Variants in GRM5 observed in about 807,000 individuals in gnomAD.
The protein encoded by GRM5 is glutamate metabotropic receptor 5, also known as metabotropic glutamate receptor 5.
A neutral mutation model predicts 83.1 loss-of-function variants in GRM5; 19 were observed. That is an observed-to-expected ratio of 0.23 (90% CI 0.16 to 0.34). GRM5 has a LOEUF of 0.34. GRM5 is among the 10% of genes least tolerant of loss of function. The probability of loss-of-function intolerance (pLI) is 1.00; values close to 1 mark genes in which losing one functional copy is unlikely to be tolerated. For missense variants in GRM5, 1,160 were observed against 1,588.3 expected, an observed-to-expected ratio of 0.73 and a Z score of 4.58; for synonymous variants, 675 against 633.6, an observed-to-expected ratio of 1.07 and a Z score of -0.98.
In GRM5 at chr11:88,509,538, C is replaced by G. The variant is rs758028117; in HGVS notation, c.2727-34G>C. ...AGAAGGGAGAGGAAAGGTGACTCAG[C>G]GAGGTGCCCAGGGGGCTTGGATGCC... is the stretch of plus-strand genomic sequence containing the variant. On this transcript the variant is annotated intron_variant, in intron 9 of 9. Transcript: ENST00000305447. 1.9e-6 allele frequency: 3 copies of G among 1,554,590 alleles called. No individual in the cohort carries two copies. In the East Asian group the frequency reaches 7.0e-5, roughly 36 times the overall value.
intron 9 of GRM5, among the ~76,000 whole-genome samples, chr11:88,524,470 G>A (rs1342931098): frequency 6.6e-6 from 1 of 151,914 alleles, no homozygotes; most frequent in East Asian, 1.9e-4. Context: ...CACCCGCCTT[G>A]GCCTCCCAAA....
intron 2 of GRM5, among the ~76,000 whole-genome samples, chr11:88,881,997 C>T (rs632604): frequency 0.75 from 114,572 of 151,996 alleles, 43,979 homozygotes; most frequent in East Asian, 0.99. Flanking sequence ...ATTCCAGCAC[C>T]TTGGGATGCC....
At chr11:88,991,975 A>G (rs2135049525) in intron 2 of GRM5, among the ~76,000 whole-genome samples, 1 of 152,272 alleles carries the variant, frequency 6.6e-6, no homozygotes, top group East Asian at 1.9e-4. Context: ...TGTCTAAAAC[A>G]CCAAAAGCAA....
At chr11:88,891,613 A>AGTATATGC (rs1945145413) in intron 2 of GRM5, among the ~76,000 whole-genome samples, 13 of 99,766 alleles carry the variant, frequency 1.3e-4, no homozygotes, top group Admixed American at 2.3e-4. Context: ...CTAATGTCTC[A>AGTATATGC]TAATTAATTT....
In GRM5 at chr11:88,686,705, T is replaced by C. The variant is rs1411633634; in HGVS notation, c.912-33302A>G. On this transcript the variant is annotated intron_variant, in intron 3 of 9. Coordinates refer to ENST00000305447, the MANE Select transcript of GRM5 (RefSeq NM_001143831.3). ...AGTGAATAAGTCTCACAAAATCTGA[T>C]GGTTTTATGAGGGGTTTCCGCTTTT... Among the ~76,000 whole-genome samples, 11 of 152,266 alleles carry C rather than the reference T, an allele frequency of 7.2e-5. 1 individual carries two copies. Among genetic ancestry groups the C allele is most frequent in the South Asian group, 4.2e-4 (2 of 4,818 alleles).
At chr11:88,787,095 C>A (rs7934897) in intron 3 of GRM5, among the ~76,000 whole-genome samples, 4,378 of 150,720 alleles carry the variant, frequency 0.029, 214 homozygotes, top group African/African-American at 0.1. Flanking sequence ...ACAAAACAAG[C>A]AGATATCTTT....
intron 8 of GRM5, among the ~76,000 whole-genome samples, chr11:88,551,340 A>G (rs550707452): frequency 2.6e-5 from 4 of 152,226 alleles, no homozygotes; most frequent in South Asian, 2.1e-4. Context: ...AAATCCTGTG[A>G]TAGTTGCAAA....
intron 3 of GRM5, among the ~76,000 whole-genome samples, chr11:88,768,386 G>C (rs1942664261): frequency 6.6e-6 from 1 of 151,948 alleles, no homozygotes; most frequent in South Asian, 2.1e-4. Flanking sequence ...TAGGTACTTT[G>C]AGTAGTCAAA....
intron 3 of GRM5, among the ~76,000 whole-genome samples, chr11:88,833,869 G>T (rs1186331684): frequency 6.6e-6 from 1 of 152,124 alleles, no homozygotes; most frequent in Non-Finnish European, 1.5e-5. Flanking sequence ...GCCAGGCACA[G>T]AAAGACAAAT....
At chr11:88,738,782 T>G (rs546599734) in intron 3 of GRM5, among the ~76,000 whole-genome samples, 1 of 152,224 alleles carries the variant, frequency 6.6e-6, no homozygotes, top group African/African-American at 2.4e-5. Context: ...ATTTTGTCAT[T>G]GCTTTCAACA....
intron 2 of GRM5, among the ~76,000 whole-genome samples, chr11:88,931,440 T>TAAA (rs5793361): frequency 6.8e-6 from 1 of 146,528 alleles, no homozygotes; most frequent in Non-Finnish European, 1.5e-5. Flanking sequence ...AGAACCAAAG[T>TAAA]AAAAAAAAAA....
chr11:88,529,823 A>G (rs537666068), intron 8 of GRM5, among the ~76,000 whole-genome samples: 1 of 152,124 alleles, frequency 6.6e-6, no homozygotes, highest in South Asian at 2.1e-4. Context: ...TGAGTATAAT[A>G]GGAAGAAGTA....
chr11:88,962,580 T>C (rs1938818892), intron 2 of GRM5, among the ~76,000 whole-genome samples: 1 of 152,196 alleles, frequency 6.6e-6, no homozygotes, highest in African/African-American at 2.4e-5. Context: ...TATCCATTAA[T>C]TCTATCACCT....
At chr11:89,012,140 G>A (rs777824935) in intron 2 of GRM5, among the ~76,000 whole-genome samples, 38 of 152,240 alleles carry the variant, frequency 2.5e-4, no homozygotes, top group Non-Finnish European at 4.1e-4. Context: ...AGAGACAAAA[G>A]AAGAAACAAA....
intron 8 of GRM5, among the ~76,000 whole-genome samples, chr11:88,543,161 C>T (rs1942309455): frequency 6.6e-6 from 1 of 152,186 alleles, no homozygotes; most frequent in African/African-American, 2.4e-5. Context: ...TGAACTTACC[C>T]TGGCCTGAGA....
chr11:89,054,376 G>A (rs10830204), intron 1 of GRM5, among the ~76,000 whole-genome samples: 62,964 of 151,948 alleles, frequency 0.41, 14,522 homozygotes, highest in South Asian at 0.57. Context: ...AGAATGCGGC[G>A]GCAAGGATGT....
chr11:88,646,933 G>A (rs117563692), intron 4 of GRM5, among the ~76,000 whole-genome samples: 1,654 of 149,534 alleles, frequency 0.011, 21 homozygotes, highest in Non-Finnish European at 0.017. Context: ...GCTTAACACA[G>A]TAGAAATTTA....
chr11:88,756,729 T>C (rs1942401769), intron 3 of GRM5, among the ~76,000 whole-genome samples: 1 of 152,042 alleles, frequency 6.6e-6, no homozygotes, highest in Non-Finnish European at 1.5e-5. Context: ...CAATGGAAAT[T>C]ATTGAGTCTG....
intron 3 of GRM5, among the ~76,000 whole-genome samples, chr11:88,723,895 C>G (rs1328506601): frequency 6.6e-6 from 1 of 152,040 alleles, no homozygotes; most frequent in Non-Finnish European, 1.5e-5. Context: ...ATTTTAGATT[C>G]AGGGAGTACA....
Sources: gnomAD v4.1 joint callset for allele counts (sites outside exome capture counted in the v4.1 genomes callset) on GRCh38, gnomAD v4.1.1 for gene constraint, MANE v1.5 for transcripts, NCBI Gene and HGNC (gene_info 2026-07-23, HGNC 2026-07-21) for gene names.